The following LARP4B variants were observed in gnomAD, a reference collection of about 807,000 sequenced individuals.
The protein encoded by LARP4B is la-related protein 4B.
In LARP4B, 12 loss-of-function variants were observed where a neutral mutation model predicts 89.8. The observed-to-expected ratio is 0.13, with a 90% CI of 0.09 to 0.22. The LOEUF (loss-of-function observed/expected upper bound fraction) is 0.22. LARP4B is among the 10% of genes least tolerant of loss of function. The probability of loss-of-function intolerance (pLI) is 1.00; values close to 1 mark genes in which losing one functional copy is unlikely to be tolerated. For missense variants in LARP4B, 757 were observed against 947.7 expected (o/e 0.80, Z 2.64); for synonymous variants, 367 against 363.3 (o/e 1.01, Z -0.12).
chr10:884,559 C>T (rs1588962312), intron 2 of LARP4B, 53 bp from the exon 3 acceptor site: 3 of 1,251,182 alleles, frequency 2.4e-6, no homozygotes, highest in East Asian at 2.3e-5. Flanking sequence ...AAAGAAACAA[C>T]ATATTTTCAA....
chr10:924,140 A>G (rs1012057069), intron 1 of LARP4B, among the ~76,000 whole-genome samples: 1 of 152,076 alleles, frequency 6.6e-6, no homozygotes, highest in Non-Finnish European at 1.5e-5. Context: ...GCTACTCGGG[A>G]GGCTAAGGTG....
chr10:969,220 G>C, the LARP4B span, among the ~76,000 whole-genome samples: 1 of 152,300 alleles, frequency 6.6e-6, no homozygotes, highest in South Asian at 2.1e-4. Context: ...TTCCTTTTAC[G>C]AGGTAGGCAG....
At chr10:927,138 G>C (rs1282595306) in intron 1 of LARP4B, among the ~76,000 whole-genome samples, 2 of 152,152 alleles carry the variant, frequency 1.3e-5, no homozygotes, top group Non-Finnish European at 2.9e-5. Flanking sequence ...GGGTTGATGG[G>C]AAAGAAGATG....
chr10:943,090 G>A, the LARP4B span, among the ~76,000 whole-genome samples: 2 of 152,144 alleles, frequency 1.3e-5, no homozygotes, highest in South Asian at 4.2e-4. Flanking sequence ...GGGATTACAG[G>A]CACACACCAC....
At chr10:937,205 G>A in the LARP4B span, among the ~76,000 whole-genome samples, 2 of 152,118 alleles carry the variant, frequency 1.3e-5, no homozygotes, top group Admixed American at 1.3e-4. Flanking sequence ...ACCATGCCCA[G>A]CTAATTTTTG....
At chr10:932,352 CCACCCCA>C (rs1589002539), upstream of LARP4B, among the ~76,000 whole-genome samples, 1 of 136,892 alleles carries the variant, frequency 7.3e-6, no homozygotes, top group African/African-American at 3.0e-5. Context: ...CCCCGAACTC[CCACCCCA>C]CACCCGGGAC....
At chr10:828,597 C>T (rs1832741256) in intron 11 of LARP4B, among the ~76,000 whole-genome samples, 1 of 152,228 alleles carries the variant, frequency 6.6e-6, no homozygotes, top group African/African-American at 2.4e-5. Flanking sequence ...AAACCCTGGA[C>T]ATGAACTCTT....
chr10:884,332 T>C (rs1310738864), intron 3 of LARP4B, 115 bp downstream of exon 3: 4 of 796,630 alleles, frequency 5.0e-6, no homozygotes, highest in Non-Finnish European at 8.5e-6. Flanking sequence ...CCACAACTTT[T>C]TGAGAAATAT....
chr10:895,187 AAAAATAAAATAAAATAACGT>A (rs1163159408), intron 1 of LARP4B, among the ~76,000 whole-genome samples: 62 of 152,302 alleles, frequency 4.1e-4, no homozygotes, highest in African/African-American at 1.1e-3. Context: ...CTCAGTCTCA[AAAAATAAAATAAAATAACGT>A]AAAATAAAAT....
intron 1 of LARP4B, among the ~76,000 whole-genome samples, chr10:891,071 A>AT (rs1836004034): frequency 6.6e-6 from 1 of 152,020 alleles, no homozygotes; most frequent in Non-Finnish European, 1.5e-5. Flanking sequence ...TAATACCTGT[A>AT]TTTTTTTAGA....
chr10:825,370 A>AT (rs1355003873), intron 12 of LARP4B, 54 bp from the exon 13 acceptor site: 4 of 1,539,930 alleles, frequency 2.6e-6, no homozygotes, highest in Non-Finnish European at 3.6e-6. Flanking sequence ...AAGGCATTAC[A>AT]TAACATGCAT....
At chr10:938,455 G>A in the LARP4B span, among the ~76,000 whole-genome samples, 72,894 of 151,644 alleles carry the variant, frequency 0.48, 17,815 homozygotes, top group Admixed American at 0.57. Flanking sequence ...GGGTTTCACC[G>A]TGTTAGCCAG....
At chr10:868,088 T>A (rs904951030) in intron 3 of LARP4B, among the ~76,000 whole-genome samples, 1 of 151,866 alleles carries the variant, frequency 6.6e-6, no homozygotes, top group African/African-American at 2.4e-5. Flanking sequence ...AAAAATAACG[T>A]ATCAATTAAT....
rs535655879 is a variant in LARP4B, at chr10:930,957, C to T, written c.-40+471G>A. On this transcript the variant is annotated intron_variant, in intron 1 of 17. Coordinates refer to ENST00000316157, the MANE Select transcript of LARP4B (RefSeq NM_015155.3). ...CGCCCGGCCTGGGGGCGCTCGCGGC[C>T]CGCGACCCCGGCCCCGCCCAGGCCC... 4.9e-4 allele frequency among the ~76,000 whole-genome samples: 74 copies of T among 150,376 alleles called. No individual in the cohort carries two copies. The East Asian group carries it at 0.013, about 27-fold the overall frequency.
upstream of LARP4B, among the ~76,000 whole-genome samples, chr10:936,359 C>T (rs147352425): frequency 3.9e-5 from 6 of 152,090 alleles, no homozygotes; most frequent in East Asian, 1.9e-4. Flanking sequence ...ATGACTAAGC[C>T]GGGGCCAGAG....
intron 1 of LARP4B, among the ~76,000 whole-genome samples, chr10:907,108 G>C (rs1313383380): frequency 2.0e-5 from 3 of 152,164 alleles, no homozygotes; most frequent in Non-Finnish European, 4.4e-5. Flanking sequence ...TTACACCCAG[G>C]AATACAGCAT....
downstream of LARP4B, chr10:807,724 A>G: frequency 6.6e-6 from 1 of 152,562 alleles, no homozygotes; most frequent in Non-Finnish European, 1.5e-5. Context: ...CCGAGACATC[A>G]CACACTTGGA....
rs1178781923 is a variant in LARP4B, at chr10:810,426, G to GT, written c.*2499dup. On this transcript the variant is annotated 3_prime_UTR_variant, in exon 18 of 18. Coordinates refer to ENST00000316157, the MANE Select transcript of LARP4B (RefSeq NM_015155.3). ...GCAGAAGACTGCTGCTGGCTAGGCA[G>GT]TAACTACAGTGTATTGACCGGAGGG... 4.6e-5 allele frequency: 7 copies of GT among 152,370 alleles called. No homozygotes were observed. Among genetic ancestry groups the GT allele is most frequent in the Admixed American group, 2.0e-4 (3 of 15,308 alleles). 9.4% of individuals were successfully genotyped at this position (152,370 alleles called of 1,614,324 possible).
At chr10:916,232 A>T (rs1003298224) in intron 1 of LARP4B, among the ~76,000 whole-genome samples, 1 of 152,190 alleles carries the variant, frequency 6.6e-6, no homozygotes, top group Non-Finnish European at 1.5e-5. Context: ...AAAAATAACC[A>T]AATTTCCTTG....
Sources: allele counts gnomAD v4.1 joint callset (sites outside exome capture counted in the v4.1 genomes callset), GRCh38; gene constraint gnomAD v4.1.1; transcripts MANE v1.5; gene names NCBI Gene and HGNC (gene_info 2026-07-23, HGNC 2026-07-21).